Variants in IFIT3 observed in about 807,000 individuals in gnomAD.
IFIT3 encodes the protein interferon induced protein with tetratricopeptide repeats 3.
IFIT3 carries 2 observed loss-of-function variants against 2.4 expected under a neutral mutation model. That is an observed-to-expected ratio of 0.82 (90% CI 0.34 to 2.60). The LOEUF is 2.60. IFIT3 is among the 30% of genes most tolerant of loss of function. The pLI is 0.11. For missense variants in IFIT3, 481 were observed against 562.4 expected (o/e 0.86, Z 1.46); for synonymous variants, 203 against 212.1 (o/e 0.96, Z 0.37).
intron 1 of IFIT3, among the ~76,000 whole-genome samples, chr10:89,332,123 C>G (rs1350876758): frequency 6.6e-6 from 1 of 152,036 alleles, no homozygotes; most frequent in Non-Finnish European, 1.5e-5. Context: ...CCCAGCTACT[C>G]AGGAGGCTGA....
chr10:89,335,572 G>A (rs1381485947), intron 1 of IFIT3: 1 of 150,722 alleles, frequency 6.6e-6, no homozygotes, highest in Non-Finnish European at 1.5e-5. Context: ...GAGAGAGATA[G>A]TGTCATCAGA....
rs1237629259 is a variant in IFIT3 at position 89,339,877 on chromosome 10, A to T, written c.1222A>T (p.Asn408Tyr). The T allele has an allele frequency of 2.5e-6, 4 of 1,614,218 alleles. No homozygotes were observed. The highest frequency in any genetic ancestry group is 3.4e-6 in the Non-Finnish European group (4 of 1,180,012). ...AGACCAACCACAGAATGTATCTGAAAATCTGCTTCCACAAAATGCACCAAA... is the reference window on the plus strand; with the variant it reads ...AGACCAACCACAGAATGTATCTGAATATCTGCTTCCACAAAATGCACCAAA... ...IKDQPQNVSENLLPQNAPNYW... is the reference protein window; with the variant it reads ...IKDQPQNVSEYLLPQNAPNYW... Residue 408 changes from asparagine (N) to tyrosine (Y), a missense_variant, in exon 2 of 2, where the codon AAT (asparagine) becomes TAT (tyrosine). Coordinates refer to ENST00000371818, the MANE Select transcript of IFIT3 (RefSeq NM_001549.6).
intron 1 of IFIT3, 85 bp from the exon 2 acceptor site, chr10:89,338,576 G>T: frequency 7.6e-7 from 1 of 1,319,850 alleles, no homozygotes; most frequent in Non-Finnish European, 1.0e-6. Context: ...CTGTGGCCCA[G>T]TTCAATTGAC....
At position 89,340,161 on chromosome 10, in the gene IFIT3, G is replaced by T. The variant is rs768664042; in HGVS notation, c.*33G>T. Reference sequence around the variant, plus strand: ...GAGGAAAACAGAGCATCAGAAGCCTGCAGTGGTGGTTGTGACGGGTAGGAC... The same window carrying T: ...GAGGAAAACAGAGCATCAGAAGCCTTCAGTGGTGGTTGTGACGGGTAGGAC... On this transcript the variant is annotated 3_prime_UTR_variant, in exon 2 of 2. Coordinates refer to ENST00000371818, the MANE Select transcript of IFIT3 (RefSeq NM_001549.6). 6.5e-7 allele frequency: 1 copy of T among 1,539,984 alleles called. No homozygotes were observed. The highest frequency in any genetic ancestry group is 8.7e-7 in the Non-Finnish European group (1 of 1,145,444).
chr10:89,336,752 T>C (rs1354305481), intron 1 of IFIT3, among the ~76,000 whole-genome samples: 1 of 134,710 alleles, frequency 7.4e-6, no homozygotes, highest in South Asian at 2.1e-4. Context: ...GGTTCATAAC[T>C]TTTTTTCTGA....
In IFIT3 at chr10:89,332,462, G is replaced by A. The variant is rs142253655; in HGVS notation, c.5+4384G>A. ...TCAGTTTCCCCTCAAGAGGGATCTTGATAGGGTTCCATCAGTTTCACTTTC... is the reference window on the plus strand; with the variant it reads ...TCAGTTTCCCCTCAAGAGGGATCTTAATAGGGTTCCATCAGTTTCACTTTC... On this transcript the variant is annotated intron_variant, in intron 1 of 1. Transcript: ENST00000371818. 4,539 of 1,486,280 alleles carry A rather than the reference G, an allele frequency of 3.1e-3. 12 individuals are homozygous for A. Among genetic ancestry groups the A allele is most frequent in the Non-Finnish European group, 3.8e-3 (4,236 of 1,115,722 alleles). 92.1% of individuals were successfully genotyped at this position (1,486,280 alleles called of 1,614,324 possible). A position where few individuals can be genotyped will look rare whatever the true frequency, so the allele number is the denominator to read the frequency against.
At position 89,340,351 on chromosome 10, in the gene IFIT3, G is replaced by C. The variant is rs1022249112; in HGVS notation, c.*223G>C. On this transcript the variant is annotated 3_prime_UTR_variant, in exon 2 of 2. Coordinates refer to ENST00000371818, the MANE Select transcript of IFIT3 (RefSeq NM_001549.6). ...AGGTGGGCGGATCACGAGGTCTGGA[G>C]TTTGAGACCATCCTGGCTAACACAG... is the stretch of plus-strand genomic sequence containing the variant. 2 of 402,364 alleles carry C rather than the reference G, an allele frequency of 5.0e-6. No individual in the cohort carries two copies. Among genetic ancestry groups the C allele is most frequent in the South Asian group, 9.0e-5 (2 of 22,338 alleles). The allele number at this position is 402,364 out of a possible 1,614,324, so 24.9% of individuals were successfully genotyped here. A position where few individuals can be genotyped will look rare whatever the true frequency, so the allele number is the denominator to read the frequency against.
Position 89,339,574 on chromosome 10 carries a change from A to G in IFIT3, c.919A>G (p.Ile307Val), listed in dbSNP as rs1466299562. The change falls in exon 2 of 2, where the codon ATT (isoleucine) becomes GTT (valine). Residue 307 changes from isoleucine (I) to valine (V), a missense_variant. By Grantham distance (29) the Ile-to-Val change is conservative. Coordinates refer to ENST00000371818, the MANE Select transcript of IFIT3 (RefSeq NM_001549.6). ...TGAAGCTAGTGGAAATAAAGAGATG[A>G]TTGAAGCACTAAAGCAATATGCTAT... ...ESEASGNKEM[I>V]EALKQYAMDY... The G allele has an allele frequency of 1.2e-6, 2 of 1,614,204 alleles. No individual in the cohort carries two copies. The highest frequency in any genetic ancestry group is 1.7e-5 in the Admixed American group (1 of 60,022).
Position 89,338,874 on chromosome 10 carries a change from C to T in IFIT3, c.219C>T (p.Cys73=). The T allele has an allele frequency of 6.2e-7, 1 of 1,614,152 alleles. No individual in the cohort carries two copies. Among genetic ancestry groups the T allele is most frequent in the Non-Finnish European group, 8.5e-7 (1 of 1,180,020 alleles). Residue 73 remains cysteine, a synonymous_variant, in exon 2 of 2, where the codon TGC becomes TGT. Coordinates refer to ENST00000371818, the MANE Select transcript of IFIT3 (RefSeq NM_001549.6). The part of the protein sequence containing the change: ...LDGNNEAALE[C]LRQAEELIQQ... ...GTAACAACGAGGCAGCCCTGGAATG[C>T]TTACGGCAAGCTGAAGAGTTAATCC...
At chr10:89,330,871 TG>T (rs1320717307) in intron 1 of IFIT3, among the ~76,000 whole-genome samples, 1 of 152,232 alleles carries the variant, frequency 6.6e-6, no homozygotes, top group Non-Finnish European at 1.5e-5. Flanking sequence ...ACTCCTGCAC[TG>T]AATTTCCAAG....
chr10:89,340,776 A>C lies in IFIT3; in HGVS notation c.*648A>C, dbSNP rs570665868. The C allele has an allele frequency of 6.6e-6, 1 of 152,200 alleles. No homozygotes were observed. The highest frequency in any genetic ancestry group is 2.1e-4 in the South Asian group (1 of 4,820). 9.4% of individuals were successfully genotyped at this position (152,200 alleles called of 1,614,324 possible). On this transcript the variant is annotated 3_prime_UTR_variant, in exon 2 of 2. Transcript: ENST00000371818. ...ATAAATGGTGACTGCCTAACAACAA[A>C]ATTTGCAGTCTCATCTCATTTTCAT...
At chr10:89,330,113 G>A (rs1045207249) in intron 1 of IFIT3, among the ~76,000 whole-genome samples, 3 of 152,294 alleles carry the variant, frequency 2.0e-5, no homozygotes, top group Middle Eastern at 3.4e-3. Flanking sequence ...GCAGGAACTG[G>A]CCATCTGGAT....
chr10:89,339,592 T>C lies in IFIT3; in HGVS notation c.937T>C (p.Tyr313His), dbSNP rs1353240844. 1 of 1,614,142 alleles carries C rather than the reference T, an allele frequency of 6.2e-7. No individual in the cohort carries two copies. The highest frequency in any genetic ancestry group is 8.5e-7 in the Non-Finnish European group (1 of 1,180,006). ...NKEMIEALKQ[Y>H]AMDYSNKALE... ...AGAGATGATTGAAGCACTAAAGCAA[T>C]ATGCTATGGACTATTCGAATAAAGC... Residue 313 changes from tyrosine (Y) to histidine (H), a missense_variant, in exon 2 of 2, where the codon TAT becomes CAT. Transcript: ENST00000371818.
rs11203079 is a variant in IFIT3 at position 89,340,385 on chromosome 10, C to T, written c.*257C>T. 0.013 allele frequency: 3,453 copies of T among 261,362 alleles called. 41 individuals carry two copies. The highest frequency in any genetic ancestry group is 0.025 in the Middle Eastern group (21 of 856). The allele number at this position is 261,362 out of a possible 1,614,324, so 16.2% of individuals were successfully genotyped here. Reference sequence around the variant, plus strand: ...CATCCTGGCTAACACAGTGAAATCCCGTCTCTACTAAAAATACAAAAAATT... The same window carrying T: ...CATCCTGGCTAACACAGTGAAATCCTGTCTCTACTAAAAATACAAAAAATT... On this transcript the variant is annotated 3_prime_UTR_variant, in exon 2 of 2. Coordinates refer to ENST00000371818, the MANE Select transcript of IFIT3 (RefSeq NM_001549.6).
At chr10:89,328,142 T>C (rs1048384691) in intron 1 of IFIT3, 64 bp downstream of exon 1, 27 of 1,475,206 alleles carry the variant, frequency 1.8e-5, no homozygotes, top group African/African-American at 4.2e-5. Flanking sequence ...TTGAGTTTCT[T>C]ACTGTGCAGG....
intron 1 of IFIT3, among the ~76,000 whole-genome samples, chr10:89,337,634 G>A (rs12250860): frequency 0.062 from 9,424 of 152,218 alleles, 698 homozygotes; most frequent in African/African-American, 0.18. Context: ...CCTGGGCTCA[G>A]GTGATCCACC....
chr10:89,332,608 A>G (rs763665270), intron 1 of IFIT3: 1 of 1,614,126 alleles, frequency 6.2e-7, no homozygotes, highest in Non-Finnish European at 8.5e-7. Context: ...TCAGAACTGC[A>G]GGGAAACAGC....
At chr10:89,328,504 G>T in intron 1 of IFIT3, among the ~76,000 whole-genome samples, 1 of 150,238 alleles carries the variant, frequency 6.7e-6, no homozygotes, top group African/African-American at 2.5e-5. Flanking sequence ...TAAGTCACAG[G>T]CTTTTTTTCT....
chr10:89,338,932 A>G lies in IFIT3; in HGVS notation c.277A>G (p.Ser93Gly), dbSNP rs769294737. 6.2e-7 allele frequency: 1 copy of G among 1,614,210 alleles called. No homozygotes were observed. The highest frequency in any genetic ancestry group is 8.5e-7 in the Non-Finnish European group (1 of 1,180,024). ...ACATGCTGACCAAGCAGAAATCAGA[A>G]GTCTAGTCACTTGGGGAAACTACGC... ...QEHADQAEIR[S>G]LVTWGNYAWV... The change falls in exon 2 of 2, where the codon AGT becomes GGT. Residue 93 changes from serine (S) to glycine (G), a missense_variant. Ser to Gly is a moderately conservative substitution (Grantham distance 56, BLOSUM62 0). Coordinates refer to ENST00000371818, the MANE Select transcript of IFIT3 (RefSeq NM_001549.6).
Sources: gnomAD v4.1 joint callset for allele counts (sites outside exome capture counted in the v4.1 genomes callset) on GRCh38, gnomAD v4.1.1 for gene constraint, MANE v1.5 for transcripts, NCBI Gene and HGNC (gene_info 2026-07-23, HGNC 2026-07-21) for gene names.